The following CDH10 variants were observed in gnomAD, a reference collection of about 807,000 sequenced individuals.
CDH10 encodes the protein cadherin-10.
CDH10 carries 30 observed loss-of-function variants against 73.1 expected under a neutral mutation model. The observed-to-expected ratio is 0.41, with a 90% CI of 0.31 to 0.56. The LOEUF is 0.56. Among genes scored for constraint, CDH10 ranks in the 20% least tolerant of loss-of-function variants. The probability of loss-of-function intolerance (pLI) is 0.27; values close to 1 mark genes in which losing one functional copy is unlikely to be tolerated. For missense variants in CDH10, 815 were observed against 973.7 expected (o/e 0.84, Z 2.17); for synonymous variants, 345 against 348.2 (o/e 0.99, Z 0.10).
At chr5:24,574,270 G>T (rs1745514644) in intron 2 of CDH10, among the ~76,000 whole-genome samples, 1 of 152,094 alleles carries the variant, frequency 6.6e-6, no homozygotes, top group Non-Finnish European at 1.5e-5. Context: ...TATGATTAGT[G>T]ACCAAATATG....
At chr5:24,505,391 A>G in intron 7 of CDH10, 143 bp from the exon 8 acceptor site, 1 of 691,696 alleles carries the variant, frequency 1.4e-6, no homozygotes, top group South Asian at 1.7e-5. Flanking sequence ...TGTTTGAATG[A>G]CTTTTCCTAG....
chr5:24,542,712 C>T (rs28779474), intron 2 of CDH10, among the ~76,000 whole-genome samples: 1,566 of 152,236 alleles, frequency 0.01, 34 homozygotes, highest in African/African-American at 0.036. Flanking sequence ...ACTGGGAAGT[C>T]CAAGACCAAG....
chr5:24,511,240 C>T, intron 6 of CDH10, 87 bp downstream of exon 6: 1 of 803,820 alleles, frequency 1.2e-6, no homozygotes, highest in Non-Finnish European at 2.1e-6. Context: ...GTAGTATTTC[C>T]CAATGGATCA....
chr5:24,519,845 A>G (rs1743247753), intron 5 of CDH10, among the ~76,000 whole-genome samples: 1 of 152,198 alleles, frequency 6.6e-6, no homozygotes, highest in Admixed American at 6.5e-5. Context: ...ATAGAAACAT[A>G]CTGTCTGAAA....
At chr5:24,582,323 A>G (rs1745831762) in intron 2 of CDH10, among the ~76,000 whole-genome samples, 1 of 152,250 alleles carries the variant, frequency 6.6e-6, no homozygotes, top group African/African-American at 2.4e-5. Context: ...AAAAGAAGAA[A>G]GACAAAAGAT....
At chr5:24,617,675 T>C (rs1350321866) in intron 1 of CDH10, among the ~76,000 whole-genome samples, 1 of 152,178 alleles carries the variant, frequency 6.6e-6, no homozygotes, top group Non-Finnish European at 1.5e-5. Flanking sequence ...GACCACAAAT[T>C]AATGGAAGAT....
chr5:24,573,695 C>T (rs1411075307), intron 2 of CDH10, among the ~76,000 whole-genome samples: 1 of 127,798 alleles, frequency 7.8e-6, no homozygotes, highest in African/African-American at 3.0e-5. Flanking sequence ...AGCGAGACTC[C>T]ATCTCAAAAA....
At chr5:24,598,715 A>C (rs960772812) in intron 1 of CDH10, among the ~76,000 whole-genome samples, 3 of 152,090 alleles carry the variant, frequency 2.0e-5, no homozygotes, top group African/African-American at 7.2e-5. Context: ...GATTGTTATC[A>C]ATGCAGAAAG....
intron 2 of CDH10, among the ~76,000 whole-genome samples, chr5:24,556,051 A>G (rs923467029): frequency 2.0e-5 from 3 of 152,178 alleles, no homozygotes; most frequent in African/African-American, 7.2e-5. Flanking sequence ...GGAGAAGCCA[A>G]TCAATATAAC....
At chr5:24,614,530 T>G (rs1747066193) in intron 1 of CDH10, among the ~76,000 whole-genome samples, 1 of 152,306 alleles carries the variant, frequency 6.6e-6, no homozygotes, top group South Asian at 2.1e-4. Flanking sequence ...ATGACTAGCA[T>G]GACATTGCAG....
Position 24,554,117 on chromosome 5 carries a change from G to GAGAGAGAGAGA in CDH10, c.232-16444_232-16443insTCTCTCTCTCT, listed in dbSNP as rs1377523348. On this transcript the variant is annotated intron_variant, in intron 2 of 11. Coordinates refer to ENST00000264463, the MANE Select transcript of CDH10 (RefSeq NM_006727.5). Reference sequence around the variant, plus strand: ...AGAGAGAAGGGGAGGTGGGCGGGGGGGGGAGAGAGAGAGACATTCAATCAG... The same window carrying GAGAGAGAGAGA: ...AGAGAGAAGGGGAGGTGGGCGGGGGGAGAGAGAGAGAGGGAGAGAGAGAGACATTCAATCAG... 5.7e-4 allele frequency: 24 copies of GAGAGAGAGAGA among 41,858 alleles called. 1 individual carries two copies. The highest frequency in any genetic ancestry group is 6.5e-4 in the Non-Finnish European group (12 of 18,370). 2.6% of individuals were successfully genotyped at this position (41,858 alleles called of 1,614,324 possible). A position where few individuals can be genotyped will look rare whatever the true frequency, so the allele number is the denominator to read the frequency against.
intron 1 of CDH10, among the ~76,000 whole-genome samples, chr5:24,626,314 C>T (rs559030305): frequency 1.3e-3 from 195 of 152,132 alleles, no homozygotes; most frequent in African/African-American, 4.6e-3. Flanking sequence ...TCTCATAATT[C>T]ACCATTACAT....
intron 2 of CDH10, among the ~76,000 whole-genome samples, 172 bp from the exon 3 acceptor site, chr5:24,537,846 A>C (rs1466482636): frequency 1.3e-5 from 2 of 152,092 alleles, no homozygotes; most frequent in Non-Finnish European, 2.9e-5. Flanking sequence ...ACTTTAAAGA[A>C]TATGAATAGC....
chr5:24,582,107 A>G (rs1745823614), intron 2 of CDH10, among the ~76,000 whole-genome samples: 1 of 152,262 alleles, frequency 6.6e-6, no homozygotes, highest in Admixed American at 6.5e-5. Flanking sequence ...TTCAGATTAT[A>G]TACTAATGTA....
chr5:24,491,950 T>C, intron 10 of CDH10, 123 bp from the exon 11 acceptor site: 1 of 611,656 alleles, frequency 1.6e-6, no homozygotes, highest in Non-Finnish European at 2.7e-6. Flanking sequence ...ATATACATTT[T>C]CCTAAAAAAC....
At chr5:24,578,448 A>G in intron 2 of CDH10, 2 of 348,866 alleles carry the variant, frequency 5.7e-6, no homozygotes, top group South Asian at 3.0e-5. Flanking sequence ...TACAAAGAGT[A>G]ATAGTCTGGT....
At chr5:24,514,735 A>G (rs1743046903) in intron 5 of CDH10, among the ~76,000 whole-genome samples, 1 of 152,158 alleles carries the variant, frequency 6.6e-6, no homozygotes, top group African/African-American at 2.4e-5. Context: ...AATCTTCATT[A>G]TTACTAGTAT....
intron 8 of CDH10, among the ~76,000 whole-genome samples, chr5:24,501,122 C>T (rs907534972): frequency 3.9e-5 from 6 of 152,082 alleles, no homozygotes; most frequent in Non-Finnish European, 7.4e-5. Flanking sequence ...AGTGAGTGGA[C>T]ATAAGCAAAA....
At chr5:24,515,688 A>G (rs950290074) in intron 5 of CDH10, among the ~76,000 whole-genome samples, 2 of 152,116 alleles carry the variant, frequency 1.3e-5, no homozygotes, top group East Asian at 3.9e-4. Context: ...CTCTCCTGCA[A>G]TCTGTGGGAA....
Sources: gnomAD v4.1 joint callset for allele counts (sites outside exome capture counted in the v4.1 genomes callset) on GRCh38, gnomAD v4.1.1 for gene constraint, MANE v1.5 for transcripts, NCBI Gene and HGNC (gene_info 2026-07-23, HGNC 2026-07-21) for gene names.